Variants in BBS1 observed in about 807,000 individuals in gnomAD.
The protein encoded by BBS1 is Bardet-Biedl syndrome 1.
Under a neutral mutation model 73.9 loss-of-function variants are expected in BBS1, and 60 were observed. The observed-to-expected ratio is 0.81, with a 90% CI of 0.66 to 1.01. The LOEUF (loss-of-function observed/expected upper bound fraction) is 1.01. BBS1 is among the 50% of genes least tolerant of loss of function. The pLI is 0.00. For synonymous variants in BBS1, 283 were observed against 317.4 expected, an observed-to-expected ratio of 0.89 and a Z score of 1.15; for missense variants, 718 against 770.3, an observed-to-expected ratio of 0.93 and a Z score of 0.80.
In BBS1 at chr11:66,514,531, G is replaced by A. The variant is rs1303303948; in HGVS notation, c.285G>A (p.Glu95=). Residue 95 remains glutamate, a synonymous_variant, in exon 4 of 17, where the codon GAG becomes GAA. Coordinates refer to ENST00000318312, the MANE Select transcript of BBS1 (RefSeq NM_024649.5). ...CTGCTGCTGCCACCTTCCTCATGGA[G>A]CAACATGAGCCCCGGACCCCAGCTC... is the stretch of plus-strand genomic sequence containing the variant. ...LPAAAATFLM[E]QHEPRTPALA... 1 of 1,614,172 alleles carries A rather than the reference G, an allele frequency of 6.2e-7. No homozygotes were observed. Among genetic ancestry groups the A allele is most frequent in the Admixed American group, 1.7e-5 (1 of 60,018 alleles).
chr11:66,523,942 G>A, intron 11 of BBS1, 60 bp downstream of exon 11: 2 of 1,602,494 alleles, frequency 1.2e-6, no homozygotes, highest in Non-Finnish European at 1.7e-6. Context: ...CACCTCTGGG[G>A]CTTCTTAGCT....
chr11:66,515,809 G>A, intron 6 of BBS1, 52 bp from the exon 7 acceptor site: 1 of 1,614,040 alleles, frequency 6.2e-7, no homozygotes, highest in Non-Finnish European at 8.5e-7. Context: ...CAGAATGATG[G>A]AGGAGGGCAG....
intron 9 of BBS1, among the ~76,000 whole-genome samples, chr11:66,521,776 A>G (rs1432462406): frequency 6.6e-6 from 1 of 151,452 alleles, no homozygotes. Context: ...ATGGTGGCGC[A>G]TGCCTCTAGC....
At chr11:66,525,992 A>G in intron 11 of BBS1, 131 bp from the exon 12 acceptor site, 2 of 760,600 alleles carry the variant, frequency 2.6e-6, no homozygotes, top group Non-Finnish European at 4.7e-6. Flanking sequence ...GAAATATTTC[A>G]GAGGCAGCGA....
Position 66,523,438 on chromosome 11 carries a change from G to A in BBS1, c.831-18G>A. The A allele has an allele frequency of 1.2e-6, 2 of 1,614,138 alleles. No homozygotes were observed. The highest frequency in any genetic ancestry group is 1.7e-6 in the Non-Finnish European group (2 of 1,180,008). On this transcript the variant is annotated intron_variant, in intron 9 of 16. Coordinates refer to ENST00000318312, the MANE Select transcript of BBS1 (RefSeq NM_024649.5). ...GAGGATTTCTCTGGGGCCAGACAGT[G>A]TGTTGTTTATTCCACAGAGACTCCA...
At chr11:66,517,688 G>C (rs535899977) in intron 7 of BBS1, among the ~76,000 whole-genome samples, 1 of 151,650 alleles carries the variant, frequency 6.6e-6, no homozygotes, top group African/African-American at 2.4e-5. Context: ...GGATGGTCTC[G>C]ATCTCTTGAC....
chr11:66,523,941 G>GTGAGCA, intron 11 of BBS1, 59 bp downstream of exon 11: 3 of 1,604,610 alleles, frequency 1.9e-6, no homozygotes, highest in Non-Finnish European at 2.5e-6. Flanking sequence ...TCACCTCTGG[G>GTGAGCA]GCTTCTTAGC....
intron 13 of BBS1, chr11:66,529,419 C>T (rs750144926): frequency 1.4e-5 from 14 of 1,017,646 alleles, no homozygotes; most frequent in Middle Eastern, 4.0e-4. Flanking sequence ...GAGACACATG[C>T]ACAATATCGA....
In BBS1 at chr11:66,526,659, GATC is replaced by G. The variant is rs1340745937; in HGVS notation, c.1196_1198del (p.Ile399del). The G allele has an allele frequency of 6.2e-7, 1 of 1,614,232 alleles. No homozygotes were observed. The highest frequency in any genetic ancestry group is 1.7e-5 in the Admixed American group (1 of 60,028). On this transcript the variant is annotated inframe_deletion, in exon 13 of 17. Transcript: ENST00000318312. ...TGTCCACTTCCCTAGGTGGTGGCCT[GATC>G]ATCAAGATCCTGAAGCGTACAGCAG...
At chr11:66,517,554 A>G (rs542182690) in intron 7 of BBS1, among the ~76,000 whole-genome samples, 2 of 143,810 alleles carry the variant, frequency 1.4e-5, no homozygotes, top group African/African-American at 5.2e-5. Flanking sequence ...TGCAACCTCC[A>G]CCTCCTGGGT....
intron 13 of BBS1, among the ~76,000 whole-genome samples, chr11:66,528,596 G>C (rs1260215828): frequency 6.6e-6 from 1 of 152,156 alleles, no homozygotes; most frequent in Non-Finnish European, 1.5e-5. Flanking sequence ...TGTGTGAAAG[G>C]TGTCATTTTG....
rs987697319 is a variant in BBS1 at position 66,519,759 on chromosome 11, G to A, written c.723+11G>A. The A allele has an allele frequency of 6.2e-7, 1 of 1,612,618 alleles. No individual in the cohort carries two copies. The stretch of plus-strand genomic sequence containing the variant: ...ACCATTTTAGCCAAGGTCAGCGTCA[G>A]GTCTGGCCCTGGGCCCGCTGGAGGC... On this transcript the variant is annotated intron_variant, in intron 8 of 16. Transcript: ENST00000318312.
Position 66,510,673 on chromosome 11 carries a change from C to G in BBS1, c.14C>G (p.Ser5Cys). 6.2e-7 allele frequency: 1 copy of G among 1,614,182 alleles called. No homozygotes were observed. Among genetic ancestry groups the G allele is most frequent in the Non-Finnish European group, 8.5e-7 (1 of 1,180,028 alleles). The change falls in exon 1 of 17, where the codon TCC (serine) becomes TGC (cysteine). Residue 5 changes from serine to cysteine, a missense_variant. Coordinates refer to ENST00000318312, the MANE Select transcript of BBS1 (RefSeq NM_024649.5). MAAASSSDSDACGAE... is the reference protein window; with the variant it reads MAAACSSDSDACGAE... ...ACGCCTGCGAAGATGGCCGCTGCGT[C>G]CTCATCGGATTCCGACGCCTGCGGA...
intron 3 of BBS1, among the ~76,000 whole-genome samples, 181 bp from the exon 4 acceptor site, chr11:66,514,225 G>A (rs975257663): frequency 6.6e-5 from 10 of 152,208 alleles, no homozygotes; most frequent in Admixed American, 3.9e-4. Flanking sequence ...TTCTGCAAGC[G>A]GGAAACCTGA....
At position 66,511,012 on chromosome 11, in the gene BBS1, G is replaced by T. The variant is rs751753112; in HGVS notation, c.48-1G>T. On this transcript the variant is annotated splice_acceptor_variant, in intron 1 of 16. Coordinates refer to ENST00000318312, the MANE Select transcript of BBS1 (RefSeq NM_024649.5). LOFTEE classifies it high-confidence loss of function. The stretch of plus-strand genomic sequence containing the variant: ...CCCAACTGTCTTTCCCCCACTTCCA[G>T]CAATGAGGCCAATTCGAAGTGGTTG... 6.2e-7 allele frequency: 1 copy of T among 1,614,076 alleles called. No homozygotes were observed. Among genetic ancestry groups the T allele is most frequent in the South Asian group, 1.1e-5 (1 of 91,084 alleles).
At chr11:66,529,183 C>T (rs1242753165) in intron 13 of BBS1, 1 of 1,008,762 alleles carries the variant, frequency 9.9e-7, no homozygotes, top group African/African-American at 2.6e-5. Context: ...AGAGGAGGGA[C>T]AGTGGGGTGG....
At chr11:66,521,206 C>T (rs915662034) in intron 8 of BBS1, 64 bp from the exon 9 acceptor site, 6 of 1,247,184 alleles carry the variant, frequency 4.8e-6, no homozygotes, top group African/African-American at 1.5e-5. Context: ...AGAGGAGTTA[C>T]TGACAGGGCA....
At chr11:66,528,734 C>T (rs1047319241) in intron 13 of BBS1, among the ~76,000 whole-genome samples, 5 of 152,016 alleles carry the variant, frequency 3.3e-5, no homozygotes, top group Middle Eastern at 3.4e-3. Flanking sequence ...TTTGGGAGGC[C>T]GAGGTGGGCA....
At chr11:66,519,868 G>A in intron 8 of BBS1, 120 bp downstream of exon 8, 1 of 1,358,420 alleles carries the variant, frequency 7.4e-7, no homozygotes, top group Non-Finnish European at 1.0e-6. Context: ...AACTAGATAA[G>A]CATTAAAAAA....
Sources: allele counts gnomAD v4.1 joint callset (sites outside exome capture counted in the v4.1 genomes callset), GRCh38; gene constraint gnomAD v4.1.1; transcripts MANE v1.5; gene names NCBI Gene and HGNC (gene_info 2026-07-23, HGNC 2026-07-21).